Variants in AP3S2 observed in about 807,000 individuals in gnomAD.
AP3S2 encodes adaptor related protein complex 3 subunit sigma 2.
A neutral mutation model predicts 23.4 loss-of-function variants in AP3S2; 22 were observed. The ratio of observed to expected loss-of-function variants is 0.94; its 90% CI spans 0.67 to 1.34. The LOEUF is 1.34. Among genes scored for constraint, AP3S2 ranks in the 40% most tolerant of loss-of-function variants. The probability of loss-of-function intolerance (pLI) is 0.00; values close to 1 mark genes in which losing one functional copy is unlikely to be tolerated. For missense variants in AP3S2, 241 were observed against 236.9 expected, an observed-to-expected ratio of 1.02 and a Z score of -0.11; for synonymous variants, 86 against 87.1, an observed-to-expected ratio of 0.99 and a Z score of 0.07.
chr15:89,889,224 T>C, intron 1 of AP3S2, 84 bp from the exon 2 acceptor site: 1 of 1,465,706 alleles, frequency 6.8e-7, no homozygotes, highest in Non-Finnish European at 9.5e-7. Flanking sequence ...GGAAGAAGTG[T>C]TTCTAAGCTG....
At chr15:89,886,291 G>C (rs1045927597) in intron 3 of AP3S2, among the ~76,000 whole-genome samples, 4 of 152,072 alleles carry the variant, frequency 2.6e-5, no homozygotes, top group African/African-American at 9.7e-5. Context: ...GTTGTGGTGA[G>C]CTGAGATCGT....
chr15:89,869,035 C>A (rs1415866176), intron 4 of AP3S2, among the ~76,000 whole-genome samples: 2 of 151,350 alleles, frequency 1.3e-5, no homozygotes, highest in African/African-American at 2.4e-5. Flanking sequence ...AAGTGAGGAG[C>A]CCCTCTGCCC....
At chr15:89,884,686 C>T (rs1896652850) in intron 3 of AP3S2, among the ~76,000 whole-genome samples, 1 of 149,336 alleles carries the variant, frequency 6.7e-6, no homozygotes, top group Non-Finnish European at 1.5e-5. Context: ...CTCACTCTAT[C>T]ACCCAGGCTG....
rs930726612 is a variant in AP3S2, at chr15:89,835,339, A to G, written c.*176T>C. The G allele has an allele frequency of 3.7e-6, 4 of 1,091,712 alleles. No individual in the cohort carries two copies. Among genetic ancestry groups the G allele is most frequent in the Non-Finnish European group, 3.9e-6 (3 of 772,698 alleles). The allele number at this position is 1,091,712 out of a possible 1,614,324, so 67.6% of individuals were successfully genotyped here. A position where few individuals can be genotyped will look rare whatever the true frequency, so the allele number is the denominator to read the frequency against. Reference sequence around the variant, plus strand: ...ATGTGAGAACTGGGTGCACCCGAGCAGTGTCAATAGGAATCCCTTCCCTAT... The same window carrying G: ...ATGTGAGAACTGGGTGCACCCGAGCGGTGTCAATAGGAATCCCTTCCCTAT... On this transcript the variant is annotated 3_prime_UTR_variant, in exon 6 of 6. Coordinates refer to ENST00000336418, the MANE Select transcript of AP3S2 (RefSeq NM_005829.5).
Position 89,883,546 on chromosome 15 carries a change from C to T in AP3S2, c.273+4975G>A, listed in dbSNP as rs887507589. Among the ~76,000 whole-genome samples the T allele has an allele frequency of 1.7e-4, 26 of 152,022 alleles. 1 individual carries two copies. The highest frequency in any genetic ancestry group is 1.4e-3 in the Admixed American group (21 of 15,242). ...GAGTAGCTGGGACCACAGGGGCACA[C>T]CACCTGATTTTTTATAGAGACTAGG... On this transcript the variant is annotated intron_variant, in intron 3 of 5. Transcript: ENST00000336418.
intron 1 of AP3S2, 124 bp from the exon 2 acceptor site, chr15:89,889,264 T>C (rs1596224721): frequency 2.0e-6 from 2 of 997,000 alleles, no homozygotes; most frequent in Admixed American, 2.5e-5. Flanking sequence ...TACTTGTTTC[T>C]AGAAATGATA....
intron 4 of AP3S2, among the ~76,000 whole-genome samples, chr15:89,846,695 T>G (rs1282526121): frequency 6.6e-6 from 1 of 152,026 alleles, no homozygotes; most frequent in Non-Finnish European, 1.5e-5. Flanking sequence ...CCCAGCTAAT[T>G]TTTTGTATTT....
intron 4 of AP3S2, among the ~76,000 whole-genome samples, chr15:89,864,471 T>C (rs1436057580): frequency 6.6e-6 from 1 of 152,170 alleles, no homozygotes; most frequent in Non-Finnish European, 1.5e-5. Context: ...AATACTCTAC[T>C]TCATGGTGAC....
intron 1 of AP3S2, chr15:89,889,575 G>C (rs1896771353): frequency 6.0e-6 from 1 of 167,384 alleles, no homozygotes; most frequent in Non-Finnish European, 1.3e-5. Context: ...GCCAGGCACA[G>C]TGGCTCACGC....
At chr15:89,856,945 T>C (rs1347236924) in intron 4 of AP3S2, among the ~76,000 whole-genome samples, 1 of 151,506 alleles carries the variant, frequency 6.6e-6, no homozygotes, top group Non-Finnish European at 1.5e-5. Flanking sequence ...CTATTTCACA[T>C]CAACTAATCA....
intron 4 of AP3S2, among the ~76,000 whole-genome samples, chr15:89,855,936 T>A (rs1596198455): frequency 2.6e-5 from 3 of 113,256 alleles, no homozygotes; most frequent in Non-Finnish European, 3.5e-5. Context: ...ATAAATATGA[T>A]ATGTCCTTTA....
At chr15:89,883,518 C>T (rs1896621754) in intron 3 of AP3S2, among the ~76,000 whole-genome samples, 2 of 151,954 alleles carry the variant, frequency 1.3e-5, no homozygotes, top group Admixed American at 1.3e-4. Context: ...GCTTTAGCCA[C>T]ATGAGTAGCT....
chr15:89,889,043 G>C lies in AP3S2; in HGVS notation c.161+6C>G. On this transcript the variant is annotated splice_donor_region_variant and intron_variant, in intron 2 of 5. Coordinates refer to ENST00000336418, the MANE Select transcript of AP3S2 (RefSeq NM_005829.5). ...TATGGGGAGAAAAATGAAGCTGACA[G>C]TTTACCTTCCACCCTCCAAGAAGTT... 1 of 1,614,152 alleles carries C rather than the reference G, an allele frequency of 6.2e-7. No homozygotes were observed. Among genetic ancestry groups the C allele is most frequent in the South Asian group, 1.1e-5 (1 of 91,086 alleles).
chr15:89,890,126 T>C (rs1004610474), intron 1 of AP3S2, among the ~76,000 whole-genome samples: 9 of 151,668 alleles, frequency 5.9e-5, no homozygotes, highest in Admixed American at 2.0e-4. Flanking sequence ...TCACAGCTCA[T>C]TGCAACCTCC....
intron 4 of AP3S2, among the ~76,000 whole-genome samples, chr15:89,870,544 G>C (rs532872979): frequency 6.6e-6 from 1 of 152,228 alleles, no homozygotes; most frequent in Admixed American, 6.5e-5. Context: ...GGAAAGTGGG[G>C]ATCTGCCAAC....
At chr15:89,881,409 C>G (rs889195312) in intron 3 of AP3S2, among the ~76,000 whole-genome samples, 1 of 151,966 alleles carries the variant, frequency 6.6e-6, no homozygotes, top group Non-Finnish European at 1.5e-5. Flanking sequence ...AAAATAAACT[C>G]AAAATACGCA....
intron 4 of AP3S2, among the ~76,000 whole-genome samples, chr15:89,867,785 C>G (rs1471150212): frequency 7.3e-6 from 1 of 137,678 alleles, no homozygotes. Context: ...GCAACCACCC[C>G]GTATGAGAAG....
chr15:89,879,276 T>C (rs1896516127), intron 3 of AP3S2, among the ~76,000 whole-genome samples: 1 of 152,274 alleles, frequency 6.6e-6, no homozygotes, highest in African/African-American at 2.4e-5. Flanking sequence ...GCAAAGCCTT[T>C]GTTTGGAGGC....
intron 4 of AP3S2, among the ~76,000 whole-genome samples, chr15:89,855,835 A>G (rs1895817871): frequency 6.9e-6 from 1 of 145,846 alleles, no homozygotes; most frequent in Non-Finnish European, 1.5e-5. Flanking sequence ...GGGCAACAAG[A>G]GGGAAACTCC....
Sources: allele counts gnomAD v4.1 joint callset (sites outside exome capture counted in the v4.1 genomes callset), GRCh38; gene constraint gnomAD v4.1.1; transcripts MANE v1.5; gene names NCBI Gene and HGNC (gene_info 2026-07-23, HGNC 2026-07-21).